Variants in GALK2 observed in about 807,000 individuals in gnomAD.
GALK2 encodes N-acetylgalactosamine kinase.
Under a neutral mutation model 52.4 loss-of-function variants are expected in GALK2, and 36 were observed. The ratio of observed to expected loss-of-function variants is 0.69; its 90% CI spans 0.53 to 0.91. The LOEUF (loss-of-function observed/expected upper bound fraction) is 0.91, where lower values mean the gene tolerates loss of function less well. GALK2 is among the 40% of genes least tolerant of loss of function. The pLI is 0.00. For missense variants in GALK2, 579 were observed against 559.1 expected (o/e 1.04, Z -0.36); for synonymous variants, 176 against 199.1 (o/e 0.88, Z 0.98).
intron 2 of GALK2, among the ~76,000 whole-genome samples, chr15:49,210,990 CA>C: frequency 6.6e-6 from 1 of 151,550 alleles, no homozygotes; most frequent in East Asian, 1.9e-4. Context: ...CACACACACA[CA>C]CACACACACA....
intron 5 of GALK2, among the ~76,000 whole-genome samples, chr15:49,254,593 A>G (rs1480708099): frequency 2.1e-5 from 3 of 144,032 alleles, no homozygotes; most frequent in South Asian, 4.5e-4. Context: ...TAGTTCTTCA[A>G]ATGTCACTAT....
intron 3 of GALK2, among the ~76,000 whole-genome samples, chr15:49,347,930 A>C (rs1008299245): frequency 2.7e-5 from 4 of 149,622 alleles, no homozygotes; most frequent in Non-Finnish European, 4.4e-5. Context: ...GAGGCAGGAG[A>C]ATTGTTTGAT....
At chr15:49,335,572 C>G (rs2039562147), downstream of GALK2, 2 of 1,017,926 alleles carry the variant, frequency 2.0e-6, no homozygotes, top group Non-Finnish European at 3.0e-6. Flanking sequence ...CACAGAGGAA[C>G]CAAGGGGACC....
chr15:49,274,983 A>G (rs76983165), intron 5 of GALK2, among the ~76,000 whole-genome samples: 2 of 152,016 alleles, frequency 1.3e-5, no homozygotes, highest in Non-Finnish European at 2.9e-5. Context: ...TTTTTTTTTA[A>G]TAAGTAGAAG....
rs1043016499 is a variant in GALK2, at chr15:49,270,861, C to T, written c.505-11126C>T. On this transcript the variant is annotated intron_variant, in intron 5 of 9. Transcript: ENST00000560031. ...GCTAGGGAAAGAAATAGTAACTAGT[C>T]ATCGAATGCCCCTCTCTTCTTGTCA... 4.6e-5 allele frequency among the ~76,000 whole-genome samples: 7 copies of T among 152,064 alleles called. No homozygotes were observed. The East Asian group carries it at 1.4e-3, about 29-fold the overall frequency.
Position 49,329,666 on chromosome 15 carries a change from AGAATTTTG to A in GALK2, c.*1508_*1515del. On this transcript the variant is annotated 3_prime_UTR_variant, in exon 10 of 10. Coordinates refer to ENST00000560031, the MANE Select transcript of GALK2 (RefSeq NM_002044.4). ...GAAAGCTTGAGTCAAATTTGTTAAA[AGAATTTTG>A]AGTTCTATAAATCCAAAAATCTGAA... 1 of 983,796 alleles carries A rather than the reference AGAATTTTG, an allele frequency of 1.0e-6. No individual in the cohort carries two copies. The highest frequency in any genetic ancestry group is 1.2e-6 in the Non-Finnish European group (1 of 828,442). 60.9% of individuals were successfully genotyped at this position (983,796 alleles called of 1,614,324 possible).
intron 8 of GALK2, among the ~76,000 whole-genome samples, chr15:49,318,666 A>G (rs1025224345): frequency 6.6e-6 from 1 of 152,172 alleles, no homozygotes; most frequent in Non-Finnish European, 1.5e-5. Context: ...AACATTATAT[A>G]TCCCATATAA....
chr15:49,217,976 C>T (rs191260402), intron 3 of GALK2, among the ~76,000 whole-genome samples: 15 of 152,202 alleles, frequency 9.9e-5, no homozygotes, highest in Middle Eastern at 3.4e-3. Flanking sequence ...ATTAGTCTGA[C>T]GAATTTTCTA....
At chr15:49,225,892 A>G (rs1037685667) in intron 3 of GALK2, among the ~76,000 whole-genome samples, 20 of 152,198 alleles carry the variant, frequency 1.3e-4, no homozygotes, top group African/African-American at 4.8e-4. Context: ...TGGCCTTTTG[A>G]TAAAGCACCC....
At chr15:49,167,173 A>T (rs920369080), upstream of GALK2, among the ~76,000 whole-genome samples, 3 of 152,180 alleles carry the variant, frequency 2.0e-5, no homozygotes, top group Admixed American at 6.5e-5. Context: ...ATATCCTTTG[A>T]GGAGAAACAA....
chr15:49,158,352 T>A (rs1180889366), intron 1 of GALK2, among the ~76,000 whole-genome samples: 1 of 152,250 alleles, frequency 6.6e-6, no homozygotes, highest in Admixed American at 6.5e-5. Flanking sequence ...TGTCTTTGAA[T>A]GTAGATTGGT....
intron 1 of GALK2, chr15:49,170,628 T>C (rs1045599071): frequency 2.0e-6 from 1 of 493,468 alleles, no homozygotes; most frequent in East Asian, 3.2e-5. Flanking sequence ...CCTTTTCTTG[T>C]TGTAATTAGT....
chr15:49,182,046 G>A (rs1479891739), intron 1 of GALK2, among the ~76,000 whole-genome samples: 1 of 151,782 alleles, frequency 6.6e-6, no homozygotes, highest in Non-Finnish European at 1.5e-5. Context: ...ATAAATTTTT[G>A]TTGACTATAA....
chr15:49,161,707 AATTT>A (rs2084656183), intron 1 of GALK2: 1 of 176,988 alleles, frequency 5.7e-6, no homozygotes, highest in African/African-American at 2.4e-5. Context: ...TAAAGTATAA[AATTT>A]ATTTATTTAT....
At chr15:49,176,416 T>C (rs975401475) in intron 1 of GALK2, among the ~76,000 whole-genome samples, 1 of 152,264 alleles carries the variant, frequency 6.6e-6, no homozygotes, top group African/African-American at 2.4e-5. Flanking sequence ...TGTTCCTGGG[T>C]TGCAATCTTC....
intron 9 of GALK2, among the ~76,000 whole-genome samples, chr15:49,323,956 T>G (rs759732140): frequency 1.3e-5 from 2 of 152,230 alleles, no homozygotes; most frequent in Non-Finnish European, 2.9e-5. Flanking sequence ...TAAAGTATCT[T>G]TTGTAGCCAA....
chr15:49,253,761 A>T (rs2091704647), intron 5 of GALK2, among the ~76,000 whole-genome samples: 1 of 144,040 alleles, frequency 6.9e-6, no homozygotes. Context: ...TTTATGTTAT[A>T]TCAAAGAGAT....
At position 49,282,062 on chromosome 15, in the gene GALK2, T is replaced by G; in HGVS notation, c.580T>G (p.Ser194Ala). The change falls in exon 6 of 10, where the codon TCA (serine) becomes GCA (alanine). Residue 194 changes from serine to alanine, a missense_variant. Coordinates refer to ENST00000560031, the MANE Select transcript of GALK2 (RefSeq NM_002044.4). ...AGGAGGAGGCATGGACCAGTCTATA[T>G]CATTTCTTGCAGAAGAAGGAACTGT... The part of the protein sequence containing the change: ...TEGGGMDQSI[S>A]FLAEEGTAKL... The G allele has an allele frequency of 6.2e-7, 1 of 1,613,352 alleles. No individual in the cohort carries two copies. Among genetic ancestry groups the G allele is most frequent in the Non-Finnish European group, 8.5e-7 (1 of 1,179,332 alleles).
chr15:49,196,188 G>A (rs1326147650), intron 1 of GALK2, among the ~76,000 whole-genome samples: 1 of 151,552 alleles, frequency 6.6e-6, no homozygotes, highest in African/African-American at 2.4e-5. Flanking sequence ...CATTCTTTTT[G>A]TTTATTTTCT....
Sources: gnomAD v4.1 joint callset for allele counts (sites outside exome capture counted in the v4.1 genomes callset) on GRCh38, gnomAD v4.1.1 for gene constraint, MANE v1.5 for transcripts, NCBI Gene and HGNC (gene_info 2026-07-23, HGNC 2026-07-21) for gene names.